CST8: variants seen among roughly 807,000 people sequenced by gnomAD.
CST8 encodes the protein cystatin 8.
A neutral mutation model predicts 11.8 loss-of-function variants in CST8; 20 were observed. The observed-to-expected ratio is 1.70, with a 90% CI of 1.20 to 2.47. The LOEUF is 2.47. Among genes scored for constraint, CST8 ranks in the 30% most tolerant of loss-of-function variants. The pLI is 0.00. For synonymous variants in CST8, 77 were observed against 63.1 expected, an observed-to-expected ratio of 1.22 and a Z score of -1.05; for missense variants, 196 against 167.2, an observed-to-expected ratio of 1.17 and a Z score of -0.95.
chr20:23,497,416 G>C (rs1988075557), downstream of CST8, among the ~76,000 whole-genome samples: 1 of 152,230 alleles, frequency 6.6e-6, no homozygotes, highest in Admixed American at 6.5e-5. Context: ...CCTTTGGCCT[G>C]AGGCTCTTCC....
chr20:23,495,725 C>A, intron 3 of CST8, 106 bp from the exon 4 acceptor site: 1 of 828,788 alleles, frequency 1.2e-6, no homozygotes, highest in African/African-American at 1.7e-5. Context: ...ACCCATCTGT[C>A]AGCACACACC....
chr20:23,497,341 T>TA (rs11376758), downstream of CST8, among the ~76,000 whole-genome samples: 66,105 of 152,036 alleles, frequency 0.43, 15,542 homozygotes, highest in Non-Finnish European at 0.53. Context: ...TTGGCTTGGG[T>TA]AAAAATCCCT....
chr20:23,504,603 A>G, the CST8 span, among the ~76,000 whole-genome samples: 4 of 152,232 alleles, frequency 2.6e-5, no homozygotes, highest in African/African-American at 9.6e-5. Flanking sequence ...ATAAATGTTT[A>G]CCTTGAAAAT....
At chr20:23,492,885 A>ATT (rs202213134) in intron 2 of CST8, 73 bp from the exon 3 acceptor site, 336 of 698,328 alleles carry the variant, frequency 4.8e-4, no homozygotes, top group African/African-American at 3.2e-3. Flanking sequence ...AGTAAGAGTA[A>ATT]TTTTTTTTTT....
At chr20:23,506,371 G>A in the CST8 span, among the ~76,000 whole-genome samples, 15 of 152,154 alleles carry the variant, frequency 9.9e-5, no homozygotes, top group Admixed American at 9.2e-4. Context: ...GACAGTGACC[G>A]AGGTCCACAG....
intron 3 of CST8, 78 bp from the exon 4 acceptor site, chr20:23,495,753 A>C: frequency 2.5e-5 from 27 of 1,076,330 alleles, no homozygotes; most frequent in Non-Finnish European, 3.3e-5. Context: ...ACACCTAGCA[A>C]CAGGACAATT....
At chr20:23,501,445 C>A in the CST8 span, among the ~76,000 whole-genome samples, 2 of 152,258 alleles carry the variant, frequency 1.3e-5, no homozygotes, top group Non-Finnish European at 2.9e-5. Context: ...CCTCCCTCTG[C>A]CCCATCCCGT....
At chr20:23,505,293 C>A in the CST8 span, among the ~76,000 whole-genome samples, 1 of 151,646 alleles carries the variant, frequency 6.6e-6, no homozygotes. Context: ...TACGGGTGCC[C>A]GCCACCATGG....
intron 3 of CST8, 56 bp from the exon 4 acceptor site, chr20:23,495,775 C>CTTTT (rs11482296): frequency 4.3e-5 from 40 of 934,066 alleles, no homozygotes; most frequent in South Asian, 1.1e-4. Flanking sequence ...TTTTTCTTTT[C>CTTTT]TTTTTTTTTT....
intron 2 of CST8, 134 bp from the exon 3 acceptor site, chr20:23,492,824 C>G: frequency 1.5e-6 from 1 of 684,120 alleles, no homozygotes; most frequent in Non-Finnish European, 2.6e-6. Flanking sequence ...CTTAGCCTTC[C>G]GCTAAAGCTC....
At chr20:23,492,820 C>T (rs1987928278) in intron 2 of CST8, 138 bp from the exon 3 acceptor site, 2 of 678,926 alleles carry the variant, frequency 2.9e-6, no homozygotes, top group South Asian at 1.7e-5. Context: ...GCATCTTAGC[C>T]TTCCGCTAAA....
chr20:23,492,634 C>T (rs1167569180), intron 2 of CST8, among the ~76,000 whole-genome samples: 1 of 152,206 alleles, frequency 6.6e-6, no homozygotes, highest in Non-Finnish European at 1.5e-5. Context: ...CACCTTTCAC[C>T]TCTCAGTCCT....
rs147883534 is a variant in CST8, at chr20:23,493,006, G to A, written c.280G>A (p.Asp94Asn). Reference protein sequence around the residue: ...YLIDVEIARSDCRKPLSTNEI... With the variant: ...YLIDVEIARSNCRKPLSTNEI... ...TATTGATGTAGAAATTGCCCGCAGCGATTGCAGAAAGCCTTTAAGCACTAA... is the reference window on the plus strand; with the variant it reads ...TATTGATGTAGAAATTGCCCGCAGCAATTGCAGAAAGCCTTTAAGCACTAA... The change falls in exon 3 of 4, where the codon GAT becomes AAT. Residue 94 changes from aspartate (D) to asparagine (N), a missense_variant. Coordinates refer to ENST00000246012, the MANE Select transcript of CST8 (RefSeq NM_005492.4). 63 of 1,613,534 alleles carry A rather than the reference G, an allele frequency of 3.9e-5. No homozygotes were observed. The highest frequency in any genetic ancestry group is 5.3e-5 in the African/African-American group (4 of 74,942).
chr20:23,498,819 C>T (rs1272766268), downstream of CST8, among the ~76,000 whole-genome samples: 5 of 152,142 alleles, frequency 3.3e-5, no homozygotes, highest in African/African-American at 1.2e-4. Flanking sequence ...TGCTTCTTTC[C>T]TATGTGCTTG....
chr20:23,499,555 C>T (rs1232985926), downstream of CST8, among the ~76,000 whole-genome samples: 1 of 152,226 alleles, frequency 6.6e-6, no homozygotes, highest in Non-Finnish European at 1.5e-5. Flanking sequence ...CTGTCTGGGC[C>T]TGAAATGCAG....
At chr20:23,492,927 T>C (rs377043989) in intron 2 of CST8, 31 bp from the exon 3 acceptor site, 4 of 1,234,270 alleles carry the variant, frequency 3.2e-6, no homozygotes, top group East Asian at 2.3e-5. Context: ...ACAACTCTTT[T>C]GAATAAAATT....
chr20:23,499,268 T>TTAATG (rs367830065), downstream of CST8, among the ~76,000 whole-genome samples: 971 of 152,340 alleles, frequency 6.4e-3, 13 homozygotes, highest in African/African-American at 0.02. Flanking sequence ...TTTATTTAAT[T>TTAATG]TAATGTTATC....
the CST8 span, among the ~76,000 whole-genome samples, chr20:23,501,518 G>A: frequency 6.6e-6 from 1 of 152,310 alleles, no homozygotes; most frequent in South Asian, 2.1e-4. Flanking sequence ...GCTATGGAGG[G>A]GACAGAGTGA....
the CST8 span, among the ~76,000 whole-genome samples, chr20:23,502,816 C>T: frequency 2.0e-5 from 3 of 152,064 alleles, no homozygotes; most frequent in Admixed American, 6.6e-5. Flanking sequence ...AGTAAGACTC[C>T]GGAATAAAAA....
Sources: gnomAD v4.1 joint callset for allele counts (sites outside exome capture counted in the v4.1 genomes callset) on GRCh38, gnomAD v4.1.1 for gene constraint, MANE v1.5 for transcripts, NCBI Gene and HGNC (gene_info 2026-07-23, HGNC 2026-07-21) for gene names.